The following TACR1 variants were observed in gnomAD, a reference collection of about 807,000 sequenced individuals.
The protein encoded by TACR1 is tachykinin receptor 1.
A neutral mutation model predicts 35.8 loss-of-function variants in TACR1; 25 were observed. The ratio of observed to expected loss-of-function variants is 0.70; its 90% CI spans 0.51 to 0.98. The LOEUF (loss-of-function observed/expected upper bound fraction) is 0.98, where lower values mean the gene tolerates loss of function less well. Ranked by LOEUF, TACR1 falls within the 50% of genes least tolerant of loss-of-function variation. TACR1 has a pLI of 0.00. For missense variants in TACR1, 478 were observed against 522.9 expected, an observed-to-expected ratio of 0.91 and a Z score of 0.84; for synonymous variants, 195 against 206.7, an observed-to-expected ratio of 0.94 and a Z score of 0.48.
chr2:75,161,235 G>A (rs1312552136), intron 1 of TACR1, among the ~76,000 whole-genome samples: 2 of 151,918 alleles, frequency 1.3e-5, no homozygotes, highest in Non-Finnish European at 2.9e-5. Context: ...AAGGAAAGCT[G>A]TTTACTAAAA....
chr2:75,059,628 T>G (rs558267684), intron 2 of TACR1, among the ~76,000 whole-genome samples: 1 of 152,290 alleles, frequency 6.6e-6, no homozygotes, highest in South Asian at 2.1e-4. Context: ...TTAAACCCAG[T>G]GAAAAAACCT....
chr2:75,108,981 C>T (rs1673702141), intron 2 of TACR1, among the ~76,000 whole-genome samples: 1 of 152,150 alleles, frequency 6.6e-6, no homozygotes, highest in Non-Finnish European at 1.5e-5. Context: ...AGGTCACCCA[C>T]TGGCCAGAAT....
chr2:75,111,058 T>G (rs570111194), intron 2 of TACR1, among the ~76,000 whole-genome samples: 2 of 152,150 alleles, frequency 1.3e-5, no homozygotes, highest in Non-Finnish European at 2.9e-5. Context: ...TGAGGGTTGC[T>G]TTACTCTTAT....
intron 1 of TACR1, among the ~76,000 whole-genome samples, chr2:75,156,790 A>T (rs1674870342): frequency 6.6e-6 from 1 of 152,194 alleles, no homozygotes; most frequent in Non-Finnish European, 1.5e-5. Context: ...CTGGTCTTTC[A>T]TACAAAGTTT....
chr2:75,097,731 G>T (rs1441641485), intron 2 of TACR1, among the ~76,000 whole-genome samples: 1 of 152,052 alleles, frequency 6.6e-6, no homozygotes, highest in Non-Finnish European at 1.5e-5. Context: ...GAGATATTTT[G>T]TTTTTTTCTC....
chr2:75,125,315 C>T (rs1363297140), intron 1 of TACR1, among the ~76,000 whole-genome samples: 1 of 152,030 alleles, frequency 6.6e-6, no homozygotes, highest in Non-Finnish European at 1.5e-5. Context: ...TCCCAAGTAG[C>T]TGGGATTACA....
At chr2:75,123,974 A>G (rs3771818) in intron 1 of TACR1, among the ~76,000 whole-genome samples, 17,197 of 152,242 alleles carry the variant, frequency 0.11, 1,211 homozygotes, top group Admixed American at 0.21. Context: ...AGGAAAATAC[A>G]TTCAATAAAT....
chr2:75,131,914 G>T (rs1052714074), intron 1 of TACR1, among the ~76,000 whole-genome samples: 9 of 152,112 alleles, frequency 5.9e-5, no homozygotes. Flanking sequence ...TTTCAATGGA[G>T]TACTCCTACA....
At chr2:75,098,676 G>A (rs1461882213) in intron 2 of TACR1, among the ~76,000 whole-genome samples, 1 of 152,086 alleles carries the variant, frequency 6.6e-6, no homozygotes. Context: ...ACCACATCCA[G>A]CTTGCTCTAG....
At chr2:75,049,874 C>A in intron 4 of TACR1, 151 bp from the exon 5 acceptor site, 3 of 942,822 alleles carry the variant, frequency 3.2e-6, no homozygotes, top group Non-Finnish European at 4.6e-6. Context: ...ATGCTGAGGC[C>A]AAAAAGGCTT....
At chr2:75,168,187 G>T (rs1186286772) in intron 1 of TACR1, among the ~76,000 whole-genome samples, 1 of 152,162 alleles carries the variant, frequency 6.6e-6, no homozygotes, top group Non-Finnish European at 1.5e-5. Flanking sequence ...AAACAAAGGA[G>T]AATTGGTTAA....
At chr2:75,085,990 A>C (rs1673181564) in intron 2 of TACR1, among the ~76,000 whole-genome samples, 1 of 152,190 alleles carries the variant, frequency 6.6e-6, no homozygotes, top group South Asian at 2.1e-4. Flanking sequence ...TTATGAAAGT[A>C]ATAGTTTCTG....
intron 2 of TACR1, among the ~76,000 whole-genome samples, chr2:75,107,818 A>G (rs567449806): frequency 6.6e-6 from 1 of 152,074 alleles, no homozygotes; most frequent in Admixed American, 6.5e-5. Flanking sequence ...ATTTAAACGA[A>G]CTTAGGTAGG....
chr2:75,069,669 T>C (rs1370253580), intron 2 of TACR1, among the ~76,000 whole-genome samples: 2 of 152,246 alleles, frequency 1.3e-5, no homozygotes, highest in Non-Finnish European at 2.9e-5. Flanking sequence ...TTTCCTTGTT[T>C]TTGATAACAT....
chr2:75,163,324 G>A (rs1675056417), intron 1 of TACR1, among the ~76,000 whole-genome samples: 2 of 151,986 alleles, frequency 1.3e-5, no homozygotes, highest in African/African-American at 4.8e-5. Context: ...TTTCCTTTTG[G>A]GCTCAAGTTC....
At chr2:75,083,804 T>G (rs1160182185) in intron 2 of TACR1, among the ~76,000 whole-genome samples, 1 of 152,234 alleles carries the variant, frequency 6.6e-6, no homozygotes, top group Admixed American at 6.5e-5. Context: ...TGAAGTTGCT[T>G]ATCAGCTTAA....
chr2:75,071,180 A>C (rs773776084), intron 2 of TACR1, among the ~76,000 whole-genome samples: 7 of 151,830 alleles, frequency 4.6e-5, no homozygotes, highest in Non-Finnish European at 8.8e-5. Context: ...TTGGCCTCTT[A>C]GAAAAATGTG....
intron 1 of TACR1, among the ~76,000 whole-genome samples, chr2:75,133,941 T>C (rs966742293): frequency 2.6e-5 from 4 of 152,112 alleles, no homozygotes; most frequent in Admixed American, 2.0e-4. Context: ...CAAACCAAGA[T>C]GGCGAAGAGA....
chr2:75,162,441 G>A (rs944845261), intron 1 of TACR1, among the ~76,000 whole-genome samples: 1 of 152,246 alleles, frequency 6.6e-6, no homozygotes, highest in Non-Finnish European at 1.5e-5. Context: ...TACTGGAAGA[G>A]TGCCAGTGCC....
Sources: gnomAD v4.1 joint callset for allele counts (sites outside exome capture counted in the v4.1 genomes callset) on GRCh38, gnomAD v4.1.1 for gene constraint, MANE v1.5 for transcripts, NCBI Gene and HGNC (gene_info 2026-07-23, HGNC 2026-07-21) for gene names.